Variants in PRAMEF1 observed in about 807,000 individuals in gnomAD.
PRAMEF1 encodes PRAME family member 1.
A neutral mutation model predicts 38.2 loss-of-function variants in PRAMEF1; 21 were observed. That is an observed-to-expected ratio of 0.55 (90% CI 0.39 to 0.79). The LOEUF is 0.79. Among genes scored for constraint, PRAMEF1 ranks in the 30% least tolerant of loss-of-function variants. The pLI is 0.00. For missense variants in PRAMEF1, 497 were observed against 565.8 expected, an observed-to-expected ratio of 0.88 and a Z score of 1.23; for synonymous variants, 200 against 229.0, an observed-to-expected ratio of 0.87 and a Z score of 1.14.
At chr1:12,794,727 T>A (rs1472857364) in intron 3 of PRAMEF1, 4 of 1,427,194 alleles carry the variant, frequency 2.8e-6, no homozygotes, top group Non-Finnish European at 3.7e-6. Context: ...AGGGACATCA[T>A]GTACAAGCTA....
intron 3 of PRAMEF1, 44 bp downstream of exon 3, chr1:12,794,537 C>G (rs768077549): frequency 4.4e-6 from 7 of 1,603,600 alleles, no homozygotes; most frequent in Non-Finnish European, 6.0e-6. Flanking sequence ...ACAGCATAGC[C>G]TTGTTCTGTA....
Position 12,795,503 on chromosome 1 carries a change from A to T in PRAMEF1, c.932A>T (p.Lys311Met), listed in dbSNP as rs765901114. The change falls in exon 4 of 4, where the codon AAG becomes ATG. Residue 311 changes from lysine to methionine, a missense_variant. Lys to Met is a moderately conservative substitution (Grantham distance 95). This residue lies in a region of PRAMEF1 where 470 missense variants were observed against 501.9 expected (regional missense o/e 0.94). Transcript: ENST00000332296. Reference protein sequence around the residue: ...TYGYLLEEDMKCLSQYPSLGY... With the variant: ...TYGYLLEEDMMCLSQYPSLGY... ...GGCTACCTATTGGAAGAAGACATGA[A>T]GTGTCTCTCCCAGTACCCAAGCCTC... 4 of 1,612,370 alleles carry T rather than the reference A, an allele frequency of 2.5e-6. No individual in the cohort carries two copies. Among genetic ancestry groups the T allele is most frequent in the Admixed American group, 1.7e-5 (1 of 59,884 alleles).
Position 12,794,315 on chromosome 1 carries a change from G to A in PRAMEF1, c.688G>A (p.Glu230Lys), listed in dbSNP as rs1346507134. 5.0e-6 allele frequency: 8 copies of A among 1,612,034 alleles called. No individual in the cohort carries two copies. The Admixed American group carries it at 1.2e-4, about 24-fold the overall frequency. ...LIRKLRCYLKEMKNLRKLVFS... is the reference protein window; with the variant it reads ...LIRKLRCYLKKMKNLRKLVFS... ...AAGAAAGCTTCGTTGTTACCTGAAG[G>A]AGATGAAGAATCTTCGCAAACTCGT... Residue 230 changes from glutamate to lysine, a missense_variant, in exon 3 of 4, where the codon GAG becomes AAG. Around this residue, in one of 2 missense-constraint regions of PRAMEF1, gnomAD observed 470 missense variants for 501.9 expected, o/e 0.94. Transcript: ENST00000332296.
chr1:12,795,198 A>T (rs1639373365), intron 3 of PRAMEF1, among the ~76,000 whole-genome samples: 1 of 151,680 alleles, frequency 6.6e-6, no homozygotes, highest in South Asian at 2.1e-4. Context: ...TGAAAAAAAA[A>T]AGGCTTTAGA....
Position 12,794,350 on chromosome 1 carries a change from G to C in PRAMEF1, c.723G>C (p.Arg241Ser). The change falls in exon 3 of 4, where the codon AGG becomes AGC. Residue 241 changes from arginine (R) to serine (S), a missense_variant. By Grantham distance (110) the Arg-to-Ser change is moderately radical. This residue lies in a region of PRAMEF1 where 470 missense variants were observed against 501.9 expected (regional missense o/e 0.94). Coordinates refer to ENST00000332296, the MANE Select transcript of PRAMEF1 (RefSeq NM_023013.4). Reference sequence around the variant, plus strand: ...ATCTTCGCAAACTCGTTTTCTCCAGGTGCCATCATTACACGTCAGATAATG... The same window carrying C: ...ATCTTCGCAAACTCGTTTTCTCCAGCTGCCATCATTACACGTCAGATAATG... Reference protein sequence around the residue: ...MKNLRKLVFSRCHHYTSDNEL... With the variant: ...MKNLRKLVFSSCHHYTSDNEL... 6.2e-7 allele frequency: 1 copy of C among 1,612,096 alleles called. No individual in the cohort carries two copies. The highest frequency in any genetic ancestry group is 8.5e-7 in the Non-Finnish European group (1 of 1,179,030).
chr1:12,794,947 G>C (rs1327882197), intron 3 of PRAMEF1: 1 of 1,323,300 alleles, frequency 7.6e-7, no homozygotes, highest in African/African-American at 1.5e-5. Context: ...GTTTGTAAAA[G>C]GTTGTTTTGA....
Position 12,793,243 on chromosome 1 carries a change from C to A in PRAMEF1, c.16C>A (p.Pro6Thr). 1.2e-6 allele frequency: 2 copies of A among 1,606,674 alleles called. No homozygotes were observed. The highest frequency in any genetic ancestry group is 1.7e-6 in the Non-Finnish European group (2 of 1,177,098). Residue 6 changes from proline to threonine, a missense_variant, in exon 2 of 4, where the codon CCA (proline) becomes ACA (threonine). Physicochemically the swap from Pro to Thr is conservative, Grantham distance 38 (BLOSUM62 -1). This residue lies in a region of PRAMEF1 where 470 missense variants were observed against 501.9 expected (regional missense o/e 0.94). Coordinates refer to ENST00000332296, the MANE Select transcript of PRAMEF1 (RefSeq NM_023013.4). MSIQAPPRLLELAGQS... is the reference protein window; with the variant it reads MSIQATPRLLELAGQS... ...ATCTATCAGGATGAGCATCCAGGCC[C>A]CACCCAGACTACTGGAGCTGGCAGG...
At position 12,796,431 on chromosome 1, in the gene PRAMEF1, C is replaced by T; in HGVS notation, c.*435C>T. ...AGTTCTACAGTGATGAGACTGTTAT[C>T]CCTGCAAGGATGGTTACCAAGGAAT... On this transcript the variant is annotated 3_prime_UTR_variant, in exon 4 of 4. Transcript: ENST00000332296. 1 of 197,290 alleles carries T rather than the reference C, an allele frequency of 5.1e-6. No homozygotes were observed. The highest frequency in any genetic ancestry group is 1.0e-5 in the Non-Finnish European group (1 of 96,586). 12.2% of individuals were successfully genotyped at this position (197,290 alleles called of 1,614,324 possible). A position where few individuals can be genotyped will look rare whatever the true frequency, so the allele number is the denominator to read the frequency against.
Position 12,794,203 on chromosome 1 carries a change from T to G in PRAMEF1, c.576T>G (p.Ile192Met). 6.2e-7 allele frequency: 1 copy of G among 1,611,364 alleles called. No homozygotes were observed. The highest frequency in any genetic ancestry group is 8.5e-7 in the Non-Finnish European group (1 of 1,178,344). Residue 192 changes from isoleucine to methionine, a missense_variant, in exon 3 of 4, where the codon ATT becomes ATG. Transcript: ENST00000332296. Reference protein sequence around the residue: ...CSKLVNYLTPIKYLRKSLKII... With the variant: ...CSKLVNYLTPMKYLRKSLKII... ...AGCTGGTCAATTATCTAACGCCGAT[T>G]AAATATCTCAGAAAGTCATTGAAAA...
In PRAMEF1 at chr1:12,794,532, A is replaced by G. The variant is rs769398542; in HGVS notation, c.866+39A>G. 5.6e-6 allele frequency: 9 copies of G among 1,606,688 alleles called. 1 individual carries two copies. Among genetic ancestry groups the G allele is most frequent in the Non-Finnish European group, 6.8e-6 (8 of 1,175,372 alleles). On this transcript the variant is annotated intron_variant, in intron 3 of 3. Transcript: ENST00000332296. ...ATGCACTTTGTATGCAGACCACAGC[A>G]TAGCCTTGTTCTGTAACAGCAAACA... is the stretch of plus-strand genomic sequence containing the variant.
chr1:12,793,134 G>C (rs1285481688), intron 1 of PRAMEF1, 69 bp from the exon 2 acceptor site: 1 of 1,557,368 alleles, frequency 6.4e-7, no homozygotes, highest in African/African-American at 1.4e-5. Flanking sequence ...CATTCTTCCT[G>C]GTACCAGTAG....
Position 12,796,312 on chromosome 1 carries a change from CAT to C in PRAMEF1, c.*318_*319del. On this transcript the variant is annotated 3_prime_UTR_variant, in exon 4 of 4. Transcript: ENST00000332296. ...CAAGTGTTCAGTGTGAGGGAAAAAA[CAT>C]AACAGCAGGGGGCAAGGTTGGAGGA... is the stretch of plus-strand genomic sequence containing the variant. 2.3e-6 allele frequency: 1 copy of C among 428,566 alleles called. No homozygotes were observed. Among genetic ancestry groups the C allele is most frequent in the Non-Finnish European group, 4.0e-6 (1 of 252,676 alleles). 26.5% of individuals were successfully genotyped at this position (428,566 alleles called of 1,614,324 possible).
intron 3 of PRAMEF1, 26 bp from the exon 4 acceptor site, chr1:12,795,412 C>T (rs765625126): frequency 1.8e-5 from 29 of 1,609,710 alleles, no homozygotes; most frequent in Non-Finnish European, 2.1e-5. Flanking sequence ...TATCACTGCC[C>T]AGAACTAACT....
chr1:12,796,157 C>G lies in PRAMEF1; in HGVS notation c.*161C>G. 7.6e-7 allele frequency: 1 copy of G among 1,309,888 alleles called. No individual in the cohort carries two copies. The highest frequency in any genetic ancestry group is 1.0e-6 in the Non-Finnish European group (1 of 979,354). 81.1% of individuals were successfully genotyped at this position (1,309,888 alleles called of 1,614,324 possible). A position where few individuals can be genotyped will look rare whatever the true frequency, so the allele number is the denominator to read the frequency against. ...TTAAAGACAATTTGAGACAGGGTTT[C>G]GCTGTGTTGCTCCAGCTGGTCTCAA... On this transcript the variant is annotated 3_prime_UTR_variant, in exon 4 of 4. Coordinates refer to ENST00000332296, the MANE Select transcript of PRAMEF1 (RefSeq NM_023013.4).
chr1:12,791,745 G>A (rs1306922634), intron 1 of PRAMEF1, among the ~76,000 whole-genome samples: 1 of 151,220 alleles, frequency 6.6e-6, no homozygotes, highest in Non-Finnish European at 1.5e-5. Flanking sequence ...TTTATTTCTT[G>A]ACATTTGAAG....
Position 12,793,270 on chromosome 1 carries a change from C to T in PRAMEF1, c.43C>T (p.Gln15Ter), listed in dbSNP as rs370223820. 8.1e-6 allele frequency: 13 copies of T among 1,607,394 alleles called. No individual in the cohort carries two copies. The African/African-American group carries it at 1.6e-4, about 20-fold the overall frequency. Residue 15 changes from glutamine (Q) to a stop codon, truncating the protein, a stop_gained, in exon 2 of 4, where the codon CAG (glutamine) becomes TAG (stop). Coordinates refer to ENST00000332296, the MANE Select transcript of PRAMEF1 (RefSeq NM_023013.4). LOFTEE classifies it high-confidence loss of function. Reference sequence around the variant, plus strand: ...ACCCAGACTACTGGAGCTGGCAGGGCAGAGCCTGCTGAGAGACCAGGCCTT... The same window carrying T: ...ACCCAGACTACTGGAGCTGGCAGGGTAGAGCCTGCTGAGAGACCAGGCCTT... ...APPRLLELAG[Q>*]SLLRDQALSI...
chr1:12,794,231 A>G lies in PRAMEF1; in HGVS notation c.604A>G (p.Ile202Val), dbSNP rs1639349242. The G allele has an allele frequency of 6.2e-7, 1 of 1,611,570 alleles. No homozygotes were observed. The highest frequency in any genetic ancestry group is 1.1e-5 in the South Asian group (1 of 90,864). The change falls in exon 3 of 4, where the codon ATA (isoleucine) becomes GTA (valine). Residue 202 changes from isoleucine to valine, a missense_variant. Physicochemically the swap from Ile to Val is conservative, Grantham distance 29 (BLOSUM62 3). Around this residue, in one of 2 missense-constraint regions of PRAMEF1, gnomAD observed 470 missense variants for 501.9 expected, o/e 0.94. Transcript: ENST00000332296. ...IKYLRKSLKI[I>V]YLNSIQELEI... ...ATATCTCAGAAAGTCATTGAAAATA[A>G]TATACCTGAATAGTATTCAAGAGCT...
At position 12,794,239 on chromosome 1, in the gene PRAMEF1, G is replaced by T. The variant is rs1063768; in HGVS notation, c.612G>T (p.Leu204=). The change falls in exon 3 of 4, where the codon CTG becomes CTT. Residue 204 remains leucine (L), a synonymous_variant. Transcript: ENST00000332296. ...GAAAGTCATTGAAAATAATATACCT[G>T]AATAGTATTCAAGAGCTGGAAATTC... ...YLRKSLKIIY[L]NSIQELEIRN... is the part of the protein sequence containing the mutation. 9 of 1,611,706 alleles carry T rather than the reference G, an allele frequency of 5.6e-6. No individual in the cohort carries two copies. In the African/African-American group the frequency reaches 9.4e-5, roughly 17 times the overall value.
rs1639393808 is a variant in PRAMEF1 at position 12,795,907 on chromosome 1, C to T, written c.1336C>T (p.Gln446Ter). Residue 446 changes from glutamine to a stop codon, truncating the protein, a stop_gained, in exon 4 of 4, where the codon CAG (glutamine) becomes TAG (stop). Transcript: ENST00000332296. LOFTEE classifies it high-confidence loss of function. ...ELMCTLREVR[Q>*]PKRIFIGPTP... The stretch of plus-strand genomic sequence containing the variant: ...GATGTGTACACTGAGGGAAGTCAGG[C>T]AGCCCAAGAGGATCTTCATTGGCCC... 1 of 1,610,934 alleles carries T rather than the reference C, an allele frequency of 6.2e-7. No individual in the cohort carries two copies. Among genetic ancestry groups the T allele is most frequent in the Admixed American group, 1.7e-5 (1 of 59,786 alleles).
Sources: allele counts gnomAD v4.1 joint callset (sites outside exome capture counted in the v4.1 genomes callset), GRCh38; gene constraint gnomAD v4.1.1; regional missense constraint gnomAD v4.1.1; transcripts MANE v1.5; gene names NCBI Gene and HGNC (gene_info 2026-07-23, HGNC 2026-07-21).